KLHDC1: variants seen among roughly 807,000 people sequenced by gnomAD.
KLHDC1 encodes the protein kelch domain-containing protein 1.
Under a neutral mutation model 68.3 loss-of-function variants are expected in KLHDC1, and 53 were observed. That is an observed-to-expected ratio of 0.78 (90% CI 0.62 to 0.98). The LOEUF (loss-of-function observed/expected upper bound fraction) is 0.98. Ranked by LOEUF, KLHDC1 falls within the 50% of genes least tolerant of loss-of-function variation. The pLI, the probability that KLHDC1 is intolerant of heterozygous loss-of-function variation, is 0.00. For synonymous variants in KLHDC1, 148 were observed against 159.0 expected (o/e 0.93, Z 0.52); for missense variants, 470 against 492.3 (o/e 0.95, Z 0.43).
intron 10 of KLHDC1, among the ~76,000 whole-genome samples, chr14:49,735,310 C>T (rs1404271066): frequency 6.6e-6 from 1 of 151,832 alleles, no homozygotes; most frequent in Admixed American, 6.6e-5. Context: ...AATTCAGATT[C>T]AGCACATTAT....
At chr14:49,707,529 G>A (rs1888086968) in intron 1 of KLHDC1, 1 of 151,324 alleles carries the variant, frequency 6.6e-6, no homozygotes, top group Non-Finnish European at 1.5e-5. Context: ...TGTATTTTTA[G>A]TAGAGACGGG....
At chr14:49,714,533 G>A (rs1004668818) in intron 4 of KLHDC1, among the ~76,000 whole-genome samples, 34 of 152,034 alleles carry the variant, frequency 2.2e-4, no homozygotes, top group Non-Finnish European at 4.3e-4. Context: ...CAGTACTTTG[G>A]GAGGTCAAGG....
chr14:49,696,452 A>T (rs1014866616), intron 1 of KLHDC1, among the ~76,000 whole-genome samples: 1 of 152,170 alleles, frequency 6.6e-6, no homozygotes, highest in African/African-American at 2.4e-5. Context: ...AAGTGCTGGG[A>T]TTACAGGTGT....
intron 12 of KLHDC1, among the ~76,000 whole-genome samples, chr14:49,750,512 T>C (rs1889298350): frequency 6.6e-6 from 1 of 152,090 alleles, no homozygotes; most frequent in African/African-American, 2.4e-5. Context: ...TTGTTTAGAG[T>C]TGTTCCAGAG....
intron 10 of KLHDC1, among the ~76,000 whole-genome samples, chr14:49,739,740 A>C (rs1020781541): frequency 6.6e-6 from 1 of 152,176 alleles, no homozygotes; most frequent in Non-Finnish European, 1.5e-5. Context: ...ATATTGAAGG[A>C]TATAGTAGAG....
chr14:49,713,843 TATATATA>T (rs1242386654), intron 4 of KLHDC1, among the ~76,000 whole-genome samples: 3 of 19,150 alleles, frequency 1.6e-4, no homozygotes, highest in African/African-American at 1.7e-4. Flanking sequence ...TATATATATA[TATATATA>T]TTTTTTTTTT....
chr14:49,713,839 TATATA>T (rs1566603011), intron 4 of KLHDC1, among the ~76,000 whole-genome samples: 10 of 6,280 alleles, frequency 1.6e-3, no homozygotes, highest in South Asian at 8.1e-3. Flanking sequence ...TATATATATA[TATATA>T]TATATATTTT....
intron 8 of KLHDC1, among the ~76,000 whole-genome samples, chr14:49,730,324 CA>C (rs1287057155): frequency 2.0e-5 from 3 of 148,414 alleles, no homozygotes; most frequent in African/African-American, 7.5e-5. Flanking sequence ...CAGGTTCAAG[CA>C]ATTCTCCTGC....
chr14:49,736,878 CT>C (rs1888941800), intron 10 of KLHDC1, among the ~76,000 whole-genome samples: 1 of 152,214 alleles, frequency 6.6e-6, no homozygotes, highest in Non-Finnish European at 1.5e-5. Flanking sequence ...CAAATTGCCC[CT>C]GGTTGAGAAC....
At chr14:49,747,707 G>T (rs1028986754) in intron 12 of KLHDC1, among the ~76,000 whole-genome samples, 5 of 152,142 alleles carry the variant, frequency 3.3e-5, no homozygotes, top group South Asian at 2.1e-4. Flanking sequence ...TGAAGTAGCT[G>T]CCTAGGTGAC....
chr14:49,697,931 C>T lies in KLHDC1; in HGVS notation c.96+4641C>T, dbSNP rs187523990. ...CTCAGGGGCAGCAGATACCAACAGA[C>T]GTGTATAGGATTTCCAAAGGCAACT... On this transcript the variant is annotated intron_variant, in intron 1 of 12. Coordinates refer to ENST00000359332, the MANE Select transcript of KLHDC1 (RefSeq NM_172193.3). Among the ~76,000 whole-genome samples, 23 of 152,166 alleles carry T rather than the reference C, an allele frequency of 1.5e-4. 1 individual carries two copies. The East Asian group carries it at 4.2e-3, about 28-fold the overall frequency.
intron 1 of KLHDC1, among the ~76,000 whole-genome samples, chr14:49,699,601 A>G (rs1050546909): frequency 1.3e-5 from 2 of 152,140 alleles, no homozygotes; most frequent in African/African-American, 2.4e-5. Flanking sequence ...TCCAGTCACA[A>G]TTTTCCTCTT....
At chr14:49,712,648 T>C (rs1053721694) in intron 4 of KLHDC1, among the ~76,000 whole-genome samples, 2 of 150,080 alleles carry the variant, frequency 1.3e-5, no homozygotes, top group African/African-American at 4.9e-5. Context: ...ACTACAGGCA[T>C]GTGCCACCAT....
chr14:49,725,895 T>G, intron 6 of KLHDC1, 126 bp downstream of exon 6: 4 of 532,536 alleles, frequency 7.5e-6, no homozygotes, highest in Non-Finnish European at 1.0e-5. Context: ...TTGCCCAGGC[T>G]GGAGTACAGT....
intron 7 of KLHDC1, 89 bp downstream of exon 7, chr14:49,729,098 A>G: frequency 1.1e-6 from 1 of 885,310 alleles, no homozygotes; most frequent in Non-Finnish European, 1.9e-6. Context: ...TTGAACATTC[A>G]TGTAATCTAG....
Position 49,751,593 on chromosome 14 carries a change from C to G in KLHDC1, c.1042C>G (p.Leu348Val). ...GTTATGTTTTATTTACAGGTCATGCCTTGACTGCATTGGTAAAAATTCTAT... is the reference window on the plus strand; with the variant it reads ...GTTATGTTTTATTTACAGGTCATGCGTTGACTGCATTGGTAAAAATTCTAT... ...TQPYSLLRSC[L>V]DCIGKNSIML... Residue 348 changes from leucine (L) to valine (V), a missense_variant, in exon 13 of 13, where the codon CTT becomes GTT. Physicochemically the swap from Leu to Val is conservative, Grantham distance 32. Transcript: ENST00000359332. 1 of 1,537,722 alleles carries G rather than the reference C, an allele frequency of 6.5e-7. No individual in the cohort carries two copies. Among genetic ancestry groups the G allele is most frequent in the Non-Finnish European group, 8.8e-7 (1 of 1,133,994 alleles).
chr14:49,725,544 T>C, intron 5 of KLHDC1, 142 bp from the exon 6 acceptor site: 1 of 567,064 alleles, frequency 1.8e-6, no homozygotes, highest in South Asian at 2.7e-5. Flanking sequence ...TACCCGTGTA[T>C]CCGTTGGCTT....
intron 4 of KLHDC1, among the ~76,000 whole-genome samples, chr14:49,717,042 A>T (rs537320416): frequency 1.3e-5 from 2 of 152,226 alleles, no homozygotes; most frequent in African/African-American, 4.8e-5. Flanking sequence ...GTTGTAGCAT[A>T]TAGCATTCCT....
At chr14:49,693,380 TGCGGCCCAGGCCTG>T in intron 1 of KLHDC1, 90 bp downstream of exon 1, 1 of 996,672 alleles carries the variant, frequency 1.0e-6, no homozygotes, top group Non-Finnish European at 1.4e-6. Context: ...CTCCCGAGGC[TGCGGCCCAGGCCTG>T]GCGCGCCCGG....
Sources: gnomAD v4.1 joint callset for allele counts (sites outside exome capture counted in the v4.1 genomes callset) on GRCh38, gnomAD v4.1.1 for gene constraint, MANE v1.5 for transcripts, NCBI Gene and HGNC (gene_info 2026-07-23, HGNC 2026-07-21) for gene names.